CRELD1: variants seen among roughly 807,000 people sequenced by gnomAD.
CRELD1 encodes protein disulfide isomerase CRELD1.
Under a neutral mutation model 58.2 loss-of-function variants are expected in CRELD1, and 42 were observed. The ratio of observed to expected loss-of-function variants is 0.72; its 90% CI spans 0.56 to 0.93. The LOEUF (loss-of-function observed/expected upper bound fraction) is 0.93, where lower values mean the gene tolerates loss of function less well. Among genes scored for constraint, CRELD1 ranks in the 40% least tolerant of loss-of-function variants. The pLI is 0.00. For synonymous variants in CRELD1, 222 were observed against 202.0 expected, an observed-to-expected ratio of 1.10 and a Z score of -0.84; for missense variants, 500 against 540.6, an observed-to-expected ratio of 0.92 and a Z score of 0.74.
At chr3:9,941,267 T>A in intron 7 of CRELD1, 61 bp downstream of exon 7, 1 of 1,445,364 alleles carries the variant, frequency 6.9e-7, no homozygotes, top group African/African-American at 1.4e-5. Context: ...GGTCCTTTAT[T>A]CTCTCAACAC....
rs1324368830 is a variant in CRELD1, at chr3:9,943,410, C to T, written c.943C>T (p.Pro315Ser). 1 of 1,613,864 alleles carries T rather than the reference C, an allele frequency of 6.2e-7. No homozygotes were observed. Among genetic ancestry groups the T allele is most frequent in the Non-Finnish European group, 8.5e-7 (1 of 1,179,978 alleles). The change falls in exon 10 of 11, where the codon CCG (proline) becomes TCG (serine). Residue 315 changes from proline to serine, a missense_variant. Physicochemically the swap from Pro to Ser is moderately conservative, Grantham distance 74. Coordinates refer to ENST00000452070, the MANE Select transcript of CRELD1 (RefSeq NM_001077415.3). The stretch of plus-strand genomic sequence containing the variant: ...GGATGAGTGTGAGACAGAGGTGTGT[C>T]CGGGAGAGAACAAGCAGTGTGAAAA... ...DVDECETEVC[P>S]GENKQCENTE...
At position 9,935,053 on chromosome 3, in the gene CRELD1, A is replaced by T. The variant is rs941102884; in HGVS notation, c.257+136A>T. ...ACTGAACATCTATAGTATAGCAGTA[A>T]ACAAGGCAAGCAAAATGCCCCCTTC... On this transcript the variant is annotated intron_variant, in intron 3 of 10. Transcript: ENST00000452070. 4.2e-5 allele frequency: 31 copies of T among 739,354 alleles called. 1 individual carries two copies. Among genetic ancestry groups the T allele is most frequent in the Non-Finnish European group, 6.9e-5 (31 of 452,330 alleles). 45.8% of individuals were successfully genotyped at this position (739,354 alleles called of 1,614,324 possible).
chr3:9,944,466 A>G lies in CRELD1; in HGVS notation c.1150A>G (p.Lys384Glu). 3 of 1,613,700 alleles carry G rather than the reference A, an allele frequency of 1.9e-6. No homozygotes were observed. Among genetic ancestry groups the G allele is most frequent in the South Asian group, 1.1e-5 (1 of 91,050 alleles). ...IICALATLAA[K>E]GDLVFTAIFI... Reference sequence around the variant, plus strand: ...CTGTGCACTGGCCACGCTGGCTGCTAAGGGCGACTTGGTGTTCACCGCCAT... The same window carrying G: ...CTGTGCACTGGCCACGCTGGCTGCTGAGGGCGACTTGGTGTTCACCGCCAT... Residue 384 changes from lysine to glutamate, a missense_variant, in exon 11 of 11, where the codon AAG (lysine) becomes GAG (glutamate). Transcript: ENST00000452070.
Position 9,943,134 on chromosome 3 carries a change from G to A in CRELD1, c.875G>A (p.Cys292Tyr), listed in dbSNP as rs1220680644. 3 of 1,613,568 alleles carry A rather than the reference G, an allele frequency of 1.9e-6. No homozygotes were observed. Among genetic ancestry groups the A allele is most frequent in the Non-Finnish European group, 1.7e-6 (2 of 1,180,032 alleles). ...GCAGGGCCAGGTCGCTGTAAGAAGT[G>A]TAGCCCTGGCTATCAGCAGGTGGGC... ...MGAGPGRCKK[C>Y]SPGYQQVGSK... is the part of the protein sequence containing the mutation. Residue 292 changes from cysteine (C) to tyrosine (Y), a missense_variant, in exon 9 of 11, where the codon TGT (cysteine) becomes TAT (tyrosine). Coordinates refer to ENST00000452070, the MANE Select transcript of CRELD1 (RefSeq NM_001077415.3).
At position 9,941,139 on chromosome 3, in the gene CRELD1, A is replaced by G. The variant is rs1234487889; in HGVS notation, c.666A>G (p.Ser222=). 16 of 1,614,078 alleles carry G rather than the reference A, an allele frequency of 9.9e-6. No homozygotes were observed. The highest frequency in any genetic ancestry group is 1.1e-5 in the Non-Finnish European group (13 of 1,180,046). Residue 222 remains serine (S), a synonymous_variant, in exon 7 of 11, where the codon TCA becomes TCG. Coordinates refer to ENST00000452070, the MANE Select transcript of CRELD1 (RefSeq NM_001077415.3). ...SACFGPCARC[S]GPEESNCLQC... ...GTTTTGGCCCCTGTGCCCGATGCTC[A>G]GGACCTGAGGAATCAAACTGTTTGC...
At chr3:9,938,837 G>A (rs995696988) in intron 5 of CRELD1, among the ~76,000 whole-genome samples, 3 of 151,796 alleles carry the variant, frequency 2.0e-5, no homozygotes, top group Non-Finnish European at 2.9e-5. Flanking sequence ...TCCAGCCTGG[G>A]CGACAGAGCG....
chr3:9,934,766 C>A (rs1214604435), intron 2 of CRELD1, 69 bp from the exon 3 acceptor site: 1 of 1,525,970 alleles, frequency 6.6e-7, no homozygotes, highest in South Asian at 1.2e-5. Flanking sequence ...GTTTCCTAGT[C>A]AGTAGAACAG....
chr3:9,943,401 G>C lies in CRELD1; in HGVS notation c.934G>C (p.Glu312Gln), dbSNP rs775848791. The C allele has an allele frequency of 6.2e-6, 10 of 1,614,022 alleles. No homozygotes were observed. In the South Asian group the frequency reaches 9.9e-5, roughly 16 times the overall value. The change falls in exon 10 of 11, where the codon GAG (glutamate) becomes CAG (glutamine). Residue 312 changes from glutamate (E) to glutamine (Q), a missense_variant. Glu to Gln is a conservative substitution (Grantham distance 29). Transcript: ENST00000452070. ...KCLDVDECET[E>Q]VCPGENKQCE... is the part of the protein sequence containing the mutation. ...TCAAGATGTGGATGAGTGTGAGACAGAGGTGTGTCCGGGAGAGAACAAGCA... is the reference window on the plus strand; with the variant it reads ...TCAAGATGTGGATGAGTGTGAGACACAGGTGTGTCCGGGAGAGAACAAGCA...
chr3:9,942,921 G>A lies in CRELD1; in HGVS notation c.817+25G>A, dbSNP rs755613877. The A allele has an allele frequency of 2.5e-6, 4 of 1,599,372 alleles. No individual in the cohort carries two copies. In the Admixed American group the frequency reaches 6.7e-5, roughly 27 times the overall value. On this transcript the variant is annotated intron_variant, in intron 8 of 10. Coordinates refer to ENST00000452070, the MANE Select transcript of CRELD1 (RefSeq NM_001077415.3). ...GGTCAGTGTCTACTTCTGCAGAGGA[G>A]GGGACGTGAGGAGTGGAGGAAGAGC...
chr3:9,938,262 G>A, intron 5 of CRELD1, 156 bp downstream of exon 5: 1 of 670,614 alleles, frequency 1.5e-6, no homozygotes, highest in Non-Finnish European at 2.7e-6. Flanking sequence ...GGGGAGATGG[G>A]CAAATCAGTG....
intron 7 of CRELD1, 95 bp downstream of exon 7, chr3:9,941,301 T>G: frequency 9.3e-7 from 1 of 1,079,968 alleles, no homozygotes. Context: ...ACTAGCCTAG[T>G]CTCCACCTTC....
At chr3:9,937,697 G>A in intron 4 of CRELD1, 25 bp downstream of exon 4, 1 of 1,521,722 alleles carries the variant, frequency 6.6e-7, no homozygotes. Flanking sequence ...GCCTTCCCTG[G>A]AAGTGGGTCA....
In CRELD1 at chr3:9,941,016, G is replaced by C; in HGVS notation, c.627G>C (p.Leu209=). 6.2e-7 allele frequency: 1 copy of C among 1,614,204 alleles called. No individual in the cohort carries two copies. The highest frequency in any genetic ancestry group is 8.5e-7 in the Non-Finnish European group (1 of 1,180,046). The change falls in exon 6 of 11, where the codon CTG becomes CTC. Residue 209 remains leucine (L), a synonymous_variant. Coordinates refer to ENST00000452070, the MANE Select transcript of CRELD1 (RefSeq NM_001077415.3). ...AGGCAGAACGCAACGCCAGCCATCT[G>C]GTATGTTCGGGTAGGTAGCCAAAAG... The part of the protein sequence containing the change: ...YFEAERNASH[L]VCSACFGPCA...
chr3:9,939,938 C>T (rs1457624767), intron 5 of CRELD1, among the ~76,000 whole-genome samples: 6 of 151,452 alleles, frequency 4.0e-5, no homozygotes, highest in South Asian at 4.2e-4. Context: ...ACCTCCCGGA[C>T]GGGGCGGCTG....
chr3:9,935,089 C>T (rs1332967276), intron 3 of CRELD1, 172 bp downstream of exon 3: 3 of 606,196 alleles, frequency 4.9e-6, no homozygotes, highest in Non-Finnish European at 8.9e-6. Flanking sequence ...CTGGAGCTCA[C>T]ATTCTAGTAG....
At chr3:9,941,368 G>A (rs1039341781) in intron 7 of CRELD1, among the ~76,000 whole-genome samples, 162 bp downstream of exon 7, 5 of 151,950 alleles carry the variant, frequency 3.3e-5, no homozygotes, top group South Asian at 2.1e-4. Context: ...TTACAGTCCA[G>A]TACACAGGTA....
intron 7 of CRELD1, among the ~76,000 whole-genome samples, chr3:9,941,570 C>G (rs902545766): frequency 6.6e-6 from 1 of 151,918 alleles, no homozygotes; most frequent in South Asian, 2.1e-4. Flanking sequence ...GCGGGCAGAT[C>G]ATGAGATCAG....
Position 9,934,882 on chromosome 3 carries a change from C to G in CRELD1, c.222C>G (p.Ala74=). 1 of 1,613,004 alleles carries G rather than the reference C, an allele frequency of 6.2e-7. No homozygotes were observed. Among genetic ancestry groups the G allele is most frequent in the Non-Finnish European group, 8.5e-7 (1 of 1,179,566 alleles). The change falls in exon 3 of 11, where the codon GCC becomes GCG. Residue 74 remains alanine (A), a synonymous_variant. Coordinates refer to ENST00000452070, the MANE Select transcript of CRELD1 (RefSeq NM_001077415.3). The part of the protein sequence containing the change: ...IRDNFGGGNT[A]WEEENLSKYK... ...ACAACTTTGGAGGTGGAAACACTGCCTGGGAGGAAGAGAATTTGTCCAAAT... is the reference window on the plus strand; with the variant it reads ...ACAACTTTGGAGGTGGAAACACTGCGTGGGAGGAAGAGAATTTGTCCAAAT...
At position 9,945,064 on chromosome 3, in the gene CRELD1, C is replaced by T. The variant is rs2085482411; in HGVS notation, c.*485C>T. ...AGTCTTACTACCTGTCCCACCACCCCCACCTTAGGGAAATGTCCTAGAATC... is the reference window on the plus strand; with the variant it reads ...AGTCTTACTACCTGTCCCACCACCCTCACCTTAGGGAAATGTCCTAGAATC... On this transcript the variant is annotated 3_prime_UTR_variant, in exon 11 of 11. Transcript: ENST00000452070. 5.1e-6 allele frequency: 1 copy of T among 196,242 alleles called. No homozygotes were observed. 12.2% of individuals were successfully genotyped at this position (196,242 alleles called of 1,614,324 possible).
Sources: allele counts gnomAD v4.1 joint callset (sites outside exome capture counted in the v4.1 genomes callset), GRCh38; gene constraint gnomAD v4.1.1; transcripts MANE v1.5; gene names NCBI Gene and HGNC (gene_info 2026-07-23, HGNC 2026-07-21).